Variants in IQCM observed in about 807,000 individuals in gnomAD.
The protein encoded by IQCM is IQ domain-containing protein M.
Under a neutral mutation model 57.6 loss-of-function variants are expected in IQCM, and 45 were observed. The ratio of observed to expected loss-of-function variants is 0.78; its 90% CI spans 0.62 to 1.00. The LOEUF is 1.00. Among genes scored for constraint, IQCM ranks in the 50% least tolerant of loss-of-function variants. The pLI, the probability that IQCM is intolerant of heterozygous loss-of-function variation, is 0.00. For synonymous variants in IQCM, 148 were observed against 158.9 expected, an observed-to-expected ratio of 0.93 and a Z score of 0.51; for missense variants, 468 against 511.6, an observed-to-expected ratio of 0.91 and a Z score of 0.82.
intron 6 of IQCM, among the ~76,000 whole-genome samples, chr4:149,684,505 C>G (rs1177926207): frequency 2.0e-5 from 3 of 151,126 alleles, no homozygotes; most frequent in Non-Finnish European, 3.0e-5. Context: ...GAACAAAAAC[C>G]TTTTGGGAGT....
At chr4:149,732,315 G>A (rs913367344) in intron 5 of IQCM, among the ~76,000 whole-genome samples, 7 of 151,838 alleles carry the variant, frequency 4.6e-5, no homozygotes, top group Non-Finnish European at 8.8e-5. Context: ...TTGTTCCTGC[G>A]ACTCAGAATG....
chr4:149,495,412 T>C (rs1742553246), intron 12 of IQCM, among the ~76,000 whole-genome samples: 1 of 152,074 alleles, frequency 6.6e-6, no homozygotes, highest in South Asian at 2.1e-4. Context: ...TAGAATATAG[T>C]GACAAGCCCA....
chr4:149,533,386 G>C (rs760417870), intron 12 of IQCM, among the ~76,000 whole-genome samples: 20 of 152,124 alleles, frequency 1.3e-4, no homozygotes, highest in Non-Finnish European at 2.4e-4. Context: ...AGACAACTAA[G>C]GTTCTTAGAA....
intron 13 of IQCM, among the ~76,000 whole-genome samples, chr4:149,380,340 C>A (rs549501156): frequency 7.2e-5 from 11 of 152,192 alleles, no homozygotes; most frequent in African/African-American, 2.6e-4. Context: ...AGTCCCAAAT[C>A]CAGATTGGCA....
intron 10 of IQCM, among the ~76,000 whole-genome samples, chr4:149,555,061 TTTTG>T (rs1053942958): frequency 1.3e-5 from 2 of 152,164 alleles, no homozygotes; most frequent in African/African-American, 2.4e-5. Flanking sequence ...AAATAATATT[TTTTG>T]TTTATTTGAA....
chr4:149,562,277 T>C (rs544140444), intron 10 of IQCM, among the ~76,000 whole-genome samples: 12 of 152,270 alleles, frequency 7.9e-5, no homozygotes, highest in South Asian at 2.1e-4. Flanking sequence ...TAGGAAACTA[T>C]TGCAATTCTC....
At chr4:149,771,705 T>C (rs1770597269) in intron 2 of IQCM, among the ~76,000 whole-genome samples, 2 of 152,096 alleles carry the variant, frequency 1.3e-5, no homozygotes, top group South Asian at 4.1e-4. Flanking sequence ...TCTGTACTTG[T>C]TATTTCTAAC....
chr4:149,745,420 G>A (rs896672742), intron 2 of IQCM, among the ~76,000 whole-genome samples: 9 of 152,144 alleles, frequency 5.9e-5, no homozygotes, highest in African/African-American at 2.2e-4. Context: ...AAAAGCATTT[G>A]CTATTTGTAT....
At position 149,765,997 on chromosome 4, in the gene IQCM, A is replaced by C. The variant is rs74505513; in HGVS notation, c.-48-23258T>G. 4.0e-3 allele frequency among the ~76,000 whole-genome samples: 613 copies of C among 152,162 alleles called. 5 individuals are homozygous for C. Among genetic ancestry groups the C allele is most frequent in the African/African-American group, 0.014 (584 of 41,518 alleles). On this transcript the variant is annotated intron_variant, in intron 2 of 13. Transcript: ENST00000636793. ...TTCCTAGCCCCCTGCCCGCCAAATTATCCTTAAAAATCCTAGCCTCTGAGT... is the reference window on the plus strand; with the variant it reads ...TTCCTAGCCCCCTGCCCGCCAAATTCTCCTTAAAAATCCTAGCCTCTGAGT...
chr4:149,528,756 A>C (rs1317731876), intron 12 of IQCM, among the ~76,000 whole-genome samples: 1 of 152,266 alleles, frequency 6.6e-6, no homozygotes, highest in African/African-American at 2.4e-5. Context: ...AGGCTAGTTT[A>C]AATGCTCAGT....
intron 8 of IQCM, among the ~76,000 whole-genome samples, chr4:149,588,554 A>G (rs1342348533): frequency 1.3e-5 from 2 of 151,858 alleles, no homozygotes; most frequent in Non-Finnish European, 2.9e-5. Context: ...TTAATGAAGT[A>G]ACTATGGCTG....
intron 7 of IQCM, among the ~76,000 whole-genome samples, chr4:149,660,818 T>C: frequency 6.6e-6 from 1 of 150,552 alleles, no homozygotes; most frequent in Non-Finnish European, 1.5e-5. Context: ...AACATCACAC[T>C]CTAGGGACTG....
rs566047567 is a variant in IQCM at position 149,617,411 on chromosome 4, C to A, written c.681+3718G>T. 9.9e-5 allele frequency among the ~76,000 whole-genome samples: 15 copies of A among 152,224 alleles called. No homozygotes were observed. The South Asian group carries it at 2.9e-3, about 29-fold the overall frequency. On this transcript the variant is annotated intron_variant, in intron 8 of 13. Coordinates refer to ENST00000636793, the MANE Select transcript of IQCM (RefSeq NM_001363507.2). ...TCCAGTGGTGAAAATTGAAAATGAA[C>A]TGAGCAGCAAAAAACAAATTTGAGT... is the stretch of plus-strand genomic sequence containing the variant.
In IQCM at chr4:149,607,612, A is replaced by G. The variant is rs191575954; in HGVS notation, c.681+13517T>C. Among the ~76,000 whole-genome samples, 6 of 152,204 alleles carry G rather than the reference A, an allele frequency of 3.9e-5. No homozygotes were observed. The East Asian group carries it at 1.2e-3, about 29-fold the overall frequency. On this transcript the variant is annotated intron_variant, in intron 8 of 13. Transcript: ENST00000636793. Reference sequence around the variant, plus strand: ...TAAATAATATAAAAGATAAATAGAGATAACAAAAAGTCAAAAAATAGGAAG... The same window carrying G: ...TAAATAATATAAAAGATAAATAGAGGTAACAAAAAGTCAAAAAATAGGAAG...
At chr4:149,752,790 C>T (rs1768578955) in intron 2 of IQCM, among the ~76,000 whole-genome samples, 1 of 152,090 alleles carries the variant, frequency 6.6e-6, no homozygotes, top group African/African-American at 2.4e-5. Context: ...GGTAGGGGAT[C>T]ACAGCGAGGC....
At chr4:149,746,080 G>A (rs1767906383) in intron 2 of IQCM, among the ~76,000 whole-genome samples, 1 of 151,648 alleles carries the variant, frequency 6.6e-6, no homozygotes, top group Non-Finnish European at 1.5e-5. Flanking sequence ...CAGGATGCAG[G>A]GAAACAAGCC....
chr4:149,372,210 T>G (rs1398921336), intron 13 of IQCM, among the ~76,000 whole-genome samples: 2 of 152,158 alleles, frequency 1.3e-5, no homozygotes, highest in East Asian at 1.9e-4. Flanking sequence ...GATAAATATA[T>G]TTCAATTATT....
intron 12 of IQCM, among the ~76,000 whole-genome samples, chr4:149,518,425 A>G (rs890376384): frequency 1.3e-5 from 2 of 152,214 alleles, no homozygotes; most frequent in Admixed American, 6.5e-5. Context: ...TCTCTCTGAT[A>G]TGTAGGAATC....
intron 7 of IQCM, among the ~76,000 whole-genome samples, chr4:149,668,554 A>C (rs1434913785): frequency 6.6e-6 from 1 of 152,108 alleles, no homozygotes; most frequent in African/African-American, 2.4e-5. Flanking sequence ...GAAATACCTA[A>C]TGTAGATGAT....
Sources: allele counts gnomAD v4.1 joint callset (sites outside exome capture counted in the v4.1 genomes callset), GRCh38; gene constraint gnomAD v4.1.1; transcripts MANE v1.5; gene names NCBI Gene and HGNC (gene_info 2026-07-23, HGNC 2026-07-21).